Variants in UBAP2L observed in about 807,000 individuals in gnomAD.
The protein encoded by UBAP2L is ubiquitin associated protein 2 like.
In UBAP2L, 12 loss-of-function variants were observed where a neutral mutation model predicts 130.6. The ratio of observed to expected loss-of-function variants is 0.09; its 90% confidence interval spans 0.06 to 0.15. The LOEUF is 0.15. Ranked by LOEUF, UBAP2L falls within the 10% of genes least tolerant of loss-of-function variation. The pLI is 1.00. For synonymous variants in UBAP2L, 503 were observed against 524.7 expected (o/e 0.96, Z 0.57); for missense variants, 965 against 1,332.5 (o/e 0.72, Z 4.29).
chr1:154,236,450 T>C, intron 6 of UBAP2L, 116 bp from the exon 7 acceptor site: 1 of 1,095,072 alleles, frequency 9.1e-7, no homozygotes. Context: ...CCGCCCGCCC[T>C]CAGCCTTTCA....
chr1:154,225,109 T>A lies in UBAP2L; in HGVS notation c.-15T>A. The A allele has an allele frequency of 6.2e-7, 1 of 1,613,532 alleles. No homozygotes were observed. The highest frequency in any genetic ancestry group is 8.5e-7 in the Non-Finnish European group (1 of 1,179,546). The stretch of plus-strand genomic sequence containing the variant: ...TATTCTACCTTGTAAATACTGTTAT[T>A]TGTATATACTGTAAATGATGACATC... On this transcript the variant is annotated 5_prime_UTR_variant, in exon 2 of 27. In the 5' UTR this introduces an upstream ATG that the reference lacks. Coordinates refer to ENST00000428931, the MANE Select transcript of UBAP2L (RefSeq NM_014847.4).
intron 16 of UBAP2L, 60 bp from the exon 17 acceptor site, chr1:154,255,091 AC>A: frequency 6.4e-7 from 1 of 1,573,454 alleles, no homozygotes; most frequent in Non-Finnish European, 8.7e-7. Context: ...GACTGTGGTC[AC>A]CTCTCTATAG....
chr1:154,260,876 G>A lies in UBAP2L; in HGVS notation c.2579-16G>A. 1 of 1,613,488 alleles carries A rather than the reference G, an allele frequency of 6.2e-7. No individual in the cohort carries two copies. ...GGGGTGAAAGAGGCAGGTACATTTAGCTTCTCCTGTCACAGGTGACCTCAC... is the reference window on the plus strand; with the variant it reads ...GGGGTGAAAGAGGCAGGTACATTTAACTTCTCCTGTCACAGGTGACCTCAC... On this transcript the variant is annotated splice_polypyrimidine_tract_variant and intron_variant, in intron 22 of 26. Coordinates refer to ENST00000428931, the MANE Select transcript of UBAP2L (RefSeq NM_014847.4).
chr1:154,245,117 G>A (rs573611871), intron 10 of UBAP2L, among the ~76,000 whole-genome samples: 105 of 152,014 alleles, frequency 6.9e-4, no homozygotes, highest in Non-Finnish European at 1.1e-3. Context: ...TTTTTAGTAG[G>A]GTTTTACCAT....
At chr1:154,261,526 A>G in intron 23 of UBAP2L, 66 bp from the exon 24 acceptor site, 2 of 1,492,280 alleles carry the variant, frequency 1.3e-6, no homozygotes, top group Non-Finnish European at 1.9e-6. Flanking sequence ...TACCTGGAGC[A>G]GGACAAGTGG....
chr1:154,236,051 C>T (rs1671561901), intron 6 of UBAP2L, among the ~76,000 whole-genome samples: 1 of 152,078 alleles, frequency 6.6e-6, no homozygotes, highest in South Asian at 2.1e-4. Flanking sequence ...ATTGTATTTG[C>T]TTGAGGACAT....
intron 16 of UBAP2L, 123 bp from the exon 17 acceptor site, chr1:154,255,029 T>C: frequency 2.1e-6 from 3 of 1,411,858 alleles, no homozygotes. Context: ...AGATTCTACC[T>C]AATATAGTCC....
At chr1:154,234,526 T>A in intron 4 of UBAP2L, 65 bp from the exon 5 acceptor site, 1 of 1,567,166 alleles carries the variant, frequency 6.4e-7, no homozygotes, top group South Asian at 1.1e-5. Context: ...TCATCCCAGC[T>A]TTCATCTCTA....
rs1282859879 is a variant in UBAP2L at position 154,228,766 on chromosome 1, T to C, written c.279+41T>C. 9.6e-6 allele frequency: 14 copies of C among 1,465,084 alleles called. 1 individual carries two copies. Among genetic ancestry groups the C allele is most frequent in the East Asian group, 9.2e-5 (4 of 43,322 alleles). 90.8% of individuals were successfully genotyped at this position (1,465,084 alleles called of 1,614,324 possible). ...AGTGTTCTAGGACATGGGTCCTCAA[T>C]TGGGAGGCTAGTAATGTTCTAAAAG... On this transcript the variant is annotated intron_variant, in intron 4 of 26. Transcript: ENST00000428931.
chr1:154,260,857 A>T, intron 22 of UBAP2L, 35 bp from the exon 23 acceptor site: 1 of 1,602,988 alleles, frequency 6.2e-7, no homozygotes, highest in Non-Finnish European at 8.5e-7. Flanking sequence ...TATTGGGGTG[A>T]AAGAGGCAGG....
At chr1:154,243,820 C>T (rs973188958) in intron 10 of UBAP2L, among the ~76,000 whole-genome samples, 1 of 152,176 alleles carries the variant, frequency 6.6e-6, no homozygotes, top group Non-Finnish European at 1.5e-5. Flanking sequence ...TGATATGTTA[C>T]AATTTTAAAG....
At chr1:154,227,402 C>G in intron 3 of UBAP2L, 43 bp downstream of exon 3, 1 of 1,540,518 alleles carries the variant, frequency 6.5e-7, no homozygotes, top group Non-Finnish European at 9.0e-7. Context: ...AGAAAAGATA[C>G]CAGTATTAAG....
At chr1:154,263,484 CTG>C (rs1315207753) in intron 24 of UBAP2L, 35 of 1,106,736 alleles carry the variant, frequency 3.2e-5, no homozygotes, top group Non-Finnish European at 3.5e-5. Context: ...CTTCAATAAA[CTG>C]TGGTATTTCT....
intron 1 of UBAP2L, chr1:154,221,499 G>A (rs1331721580): frequency 6.5e-6 from 1 of 152,918 alleles, no homozygotes; most frequent in Non-Finnish European, 1.5e-5. Flanking sequence ...CCTGGTTTGG[G>A]GGTGGCGTGG....
chr1:154,269,502 G>T, intron 26 of UBAP2L: 1 of 1,130,066 alleles, frequency 8.8e-7, no homozygotes. Context: ...AAAAGACTGC[G>T]CGGTCACAAA....
At chr1:154,258,473 G>A (rs1432135573) in intron 20 of UBAP2L, among the ~76,000 whole-genome samples, 2 of 152,132 alleles carry the variant, frequency 1.3e-5, no homozygotes, top group African/African-American at 4.8e-5. Flanking sequence ...ATATGGAAAC[G>A]TTTTAGAAGA....
Position 154,251,464 on chromosome 1 carries a change from C to T in UBAP2L, c.1492-17C>T. 6.2e-7 allele frequency: 1 copy of T among 1,609,686 alleles called. No individual in the cohort carries two copies. Among genetic ancestry groups the T allele is most frequent in the African/African-American group, 1.3e-5 (1 of 74,704 alleles). On this transcript the variant is annotated splice_polypyrimidine_tract_variant and intron_variant, in intron 13 of 26. Coordinates refer to ENST00000428931, the MANE Select transcript of UBAP2L (RefSeq NM_014847.4). ...TGTATTAAAGCCATTACTTTCTCTT[C>T]TCCTTCAACTTTATAGATTCCTGCT...
chr1:154,266,322 C>T, intron 24 of UBAP2L, 179 bp from the exon 25 acceptor site: 1 of 686,530 alleles, frequency 1.5e-6, no homozygotes, highest in Admixed American at 2.2e-5. Context: ...GCCAAAGAAC[C>T]CTTAGGGAGC....
chr1:154,266,078 G>A (rs1362988090), intron 24 of UBAP2L, among the ~76,000 whole-genome samples: 1 of 152,186 alleles, frequency 6.6e-6, no homozygotes, highest in African/African-American at 2.4e-5. Flanking sequence ...TGTCACTTCA[G>A]GAAGAGAGAG....
Sources: gnomAD v4.1 joint callset for allele counts (sites outside exome capture counted in the v4.1 genomes callset) on GRCh38, gnomAD v4.1.1 for gene constraint, MANE v1.5 for transcripts, NCBI Gene and HGNC (gene_info 2026-07-23, HGNC 2026-07-21) for gene names.